The following TTN variants were observed in gnomAD, a reference collection of about 807,000 sequenced individuals.
TTN encodes the protein connectin.
TTN carries 1,525 observed loss-of-function variants against 3,223.0 expected under a neutral mutation model. The observed-to-expected ratio is 0.47, with a 90% CI of 0.45 to 0.49. The LOEUF is 0.49. Among genes scored for constraint, TTN ranks in the 20% least tolerant of loss-of-function variants. The pLI, the probability that TTN is intolerant of heterozygous loss-of-function variation, is 0.00. For synonymous variants in TTN, 14,094 were observed against 15,161.0 expected (o/e 0.93, Z 5.17); for missense variants, 40,786 against 43,424.0 (o/e 0.94, Z 5.40).
rs1289900629 is a variant in TTN at position 178,780,003 on chromosome 2, ATCT to A, written c.3723_3725del (p.Glu1241del). ...TGGTCATTACTTTTATACTCACCTGATCTTCTACATAAGTTCTGACCACTACAG... is the reference window on the plus strand; with the variant it reads ...TGGTCATTACTTTTATACTCACCTGATCTACATAAGTTCTGACCACTACAG... On this transcript the variant is annotated inframe_deletion, in exon 22 of 363. Coordinates refer to ENST00000589042, the MANE Select transcript of TTN (RefSeq NM_001267550.2). 1.2e-6 allele frequency: 2 copies of A among 1,612,154 alleles called. No homozygotes were observed. The highest frequency in any genetic ancestry group is 8.5e-7 in the Non-Finnish European group (1 of 1,179,576).
chr2:178,713,964 C>T lies in TTN; in HGVS notation c.26694G>A (p.Gly8898=). The T allele has an allele frequency of 6.2e-7, 1 of 1,613,576 alleles. No homozygotes were observed. The highest frequency in any genetic ancestry group is 8.5e-7 in the Non-Finnish European group (1 of 1,179,672). The change falls in exon 92 of 363, where the codon GGG becomes GGA. Residue 8898 remains glycine, a synonymous_variant. Coordinates refer to ENST00000589042, the MANE Select transcript of TTN (RefSeq NM_001267550.2). ...GGTTCTGCACCTCAAAACTGTATAC[C>T]CCACTGTCACTCGGTGCTACATTGA... The part of the protein sequence containing the change: ...KIINVAPSDS[G]VYSFEVQNPV...
At chr2:178,554,833 T>C (rs751544617) in intron 331 of TTN, 32 bp downstream of exon 331, 2 of 1,613,086 alleles carry the variant, frequency 1.2e-6, no homozygotes, top group Non-Finnish European at 1.7e-6. Flanking sequence ...TAGGCAAATG[T>C]AATATGACAG....
intron 241 of TTN, 138 bp from the exon 242 acceptor site, chr2:178,624,869 AT>A: frequency 5.4e-6 from 5 of 932,302 alleles, no homozygotes; most frequent in Non-Finnish European, 6.4e-6. Context: ...ACACTCAGAC[AT>A]TTTCCTCTAA....
intron 321 of TTN, 63 bp downstream of exon 321, chr2:178,578,548 C>G (rs548558289): frequency 7.7e-7 from 1 of 1,306,112 alleles, no homozygotes; most frequent in South Asian, 1.3e-5. Flanking sequence ...TTCAACTGTT[C>G]TCAGGGAAAT....
Position 178,579,376 on chromosome 2 carries a change from A to G in TTN, c.67654T>C (p.Leu22552=). 6.4e-7 allele frequency: 1 copy of G among 1,574,206 alleles called. No homozygotes were observed. Among genetic ancestry groups the G allele is most frequent in the African/African-American group, 1.4e-5 (1 of 73,390 alleles). The change falls in exon 320 of 363, where the codon TTA becomes CTA. Residue 22552 remains leucine (L), a synonymous_variant. Coordinates refer to ENST00000589042, the MANE Select transcript of TTN (RefSeq NM_001267550.2). The part of the protein sequence containing the change: ...RDDVVAPDLD[L]KGLPDLCYLA... ...TAGCACAAATCAGGTAGACCCTTTA[A>G]GTCAAGATCAGGAGCCACTGTAAAA...
At chr2:178,555,342 A>G (rs182712784) in intron 330 of TTN, 190 bp from the exon 331 acceptor site, 1 of 586,286 alleles carries the variant, frequency 1.7e-6, no homozygotes, top group African/African-American at 1.9e-5. Flanking sequence ...ATGGGGTAGA[A>G]AGACTGTGAG....
At position 178,768,822 on chromosome 2, in the gene TTN, C is replaced by G; in HGVS notation, c.9014G>C (p.Gly3005Ala). The change falls in exon 38 of 363, where the codon GGT (glycine) becomes GCT (alanine). Residue 3005 changes from glycine (G) to alanine (A), a missense_variant. Transcript: ENST00000589042. ...CTTGTCAGTTGATTTGATTTCCACA[C>G]CATTCTTTAACCATTTGTAAGAGAT... ...EGISYKWLKN[G>A]VEIKSTDKCQ... 6.2e-7 allele frequency: 1 copy of G among 1,614,102 alleles called. No homozygotes were observed. The highest frequency in any genetic ancestry group is 1.7e-5 in the Admixed American group (1 of 60,014).
Position 178,650,752 on chromosome 2 carries a change from T to C in TTN, c.39708A>G (p.Glu13236=), listed in dbSNP as rs752058641. 1.9e-6 allele frequency: 3 copies of C among 1,601,466 alleles called. No individual in the cohort carries two copies. Among genetic ancestry groups the C allele is most frequent in the African/African-American group, 1.3e-5 (1 of 74,698 alleles). ...ATTAATCACCGGTCTCACGTGTACC[T>C]TCTGGGGGAGGAGACTCCGCTCTTT... ...VPERAESPPP[E]VYEEPEEIAP... Residue 13236 remains glutamate, a splice_region_variant and synonymous_variant, in exon 209 of 363, where the codon GAA becomes GAG. Coordinates refer to ENST00000589042, the MANE Select transcript of TTN (RefSeq NM_001267550.2).
chr2:178,534,757 G>C lies in TTN; in HGVS notation c.101858C>G (p.Ser33953Cys), dbSNP rs1575284524. The change falls in exon 358 of 363, where the codon TCT becomes TGT. Residue 33953 changes from serine (S) to cysteine (C), a missense_variant. By Grantham distance (112) the Ser-to-Cys change is moderately radical. Transcript: ENST00000589042. ...ACCAAATTCTATGATTTTAATGGTAGAGCTTCTTCTGGTTTGGTAAATGAT... is the reference window on the plus strand; with the variant it reads ...ACCAAATTCTATGATTTTAATGGTACAGCTTCTTCTGGTTTGGTAAATGAT... ...ENIIYQTRRS[S>C]TIKIIEFGQA... 3.7e-6 allele frequency: 6 copies of C among 1,613,746 alleles called. No homozygotes were observed. The East Asian group carries it at 1.3e-4, about 36-fold the overall frequency.
chr2:178,794,467 T>G lies in TTN; in HGVS notation c.1330A>C (p.Ser444Arg), dbSNP rs767156649. The change falls in exon 8 of 363, where the codon AGC becomes CGC. Residue 444 changes from serine (S) to arginine (R), a missense_variant. Ser to Arg is a moderately radical substitution (Grantham distance 110). Transcript: ENST00000589042. ...DMARVREPVI[S>R]AVEQTAQRTT... ...CTCTGAGCAGTCTGCTCTACAGCGC[T>G]GATCACTGGTTCTCTCACTCTGGCC... is the stretch of plus-strand genomic sequence containing the variant. The G allele has an allele frequency of 1.2e-6, 2 of 1,614,208 alleles. No individual in the cohort carries two copies. Among genetic ancestry groups the G allele is most frequent in the Non-Finnish European group, 1.7e-6 (2 of 1,180,012 alleles).
Position 178,570,221 on chromosome 2 carries a change from A to T in TTN, c.75911T>A (p.Val25304Glu). 6.2e-7 allele frequency: 1 copy of T among 1,613,450 alleles called. No individual in the cohort carries two copies. Among genetic ancestry groups the T allele is most frequent in the Admixed American group, 1.7e-5 (1 of 59,968 alleles). Residue 25304 changes from valine (V) to glutamate (E), a missense_variant, in exon 326 of 363, where the codon GTA (valine) becomes GAA (glutamate). Transcript: ENST00000589042. ...TTCTGGAGCTTTTGGTGCATCTGGT[A>T]CTACAAATGGATTCTTGGCAACTAC... Reference protein sequence around the residue: ...EPVVAKNPFVVPDAPKAPEVT... With the variant: ...EPVVAKNPFVEPDAPKAPEVT...
chr2:178,757,577 G>C lies in TTN; in HGVS notation c.10643C>G (p.Ala3548Gly), dbSNP rs1386570246. The C allele has an allele frequency of 6.3e-7, 1 of 1,596,592 alleles. No homozygotes were observed. Among genetic ancestry groups the C allele is most frequent in the Admixed American group, 1.7e-5 (1 of 58,788 alleles). Residue 3548 changes from alanine (A) to glycine (G), a missense_variant, in exon 45 of 363, where the codon GCC becomes GGC. By Grantham distance (60) the Ala-to-Gly change is moderately conservative. Transcript: ENST00000589042. ...CACTGTGAGTGTAGCTGCACAAGTG[G>C]CTTCCCCAGCACTATTGGCTGCTTT... The part of the protein sequence containing the change: ...SCKAANSAGE[A>G]TCAATLTVTP...
rs1490566426 is a variant in TTN, at chr2:178,631,251, C to T, written c.43797G>A (p.Glu14599=). ...TGKLQDYTGV[E]KDEVILQCEI... ...CACACTGTAGAATAACTTCATCTTT[C>T]TCTACACCAGTATAATCTTGAAGTT... The change falls in exon 237 of 363, where the codon GAG becomes GAA. Residue 14599 remains glutamate, a synonymous_variant. Transcript: ENST00000589042. The T allele has an allele frequency of 2.5e-6, 4 of 1,612,134 alleles. No individual in the cohort carries two copies. The South Asian group carries it at 4.4e-5, about 18-fold the overall frequency.
rs951426984 is a variant in TTN, at chr2:178,733,607, C to T, written c.15775+7G>A. ...GCAATTTGAGGTTTAAATGTTCCTACACAAACCTTTAACTATTAATTCCCC... is the reference window on the plus strand; with the variant it reads ...GCAATTTGAGGTTTAAATGTTCCTATACAAACCTTTAACTATTAATTCCCC... On this transcript the variant is annotated splice_region_variant and intron_variant, in intron 53 of 362. Coordinates refer to ENST00000589042, the MANE Select transcript of TTN (RefSeq NM_001267550.2). The T allele has an allele frequency of 1.2e-6, 2 of 1,606,976 alleles. No homozygotes were observed. The highest frequency in any genetic ancestry group is 1.7e-6 in the Non-Finnish European group (2 of 1,175,074).
Position 178,645,983 on chromosome 2 carries a change from G to T in TTN, c.40345C>A (p.Pro13449Thr). The change falls in exon 217 of 363, where the codon CCC (proline) becomes ACC (threonine). Residue 13449 changes from proline to threonine, a missense_variant. Transcript: ENST00000589042. ...GGTGGAGCAGGTGGAGGAGGTGGGG[G>T]TCTTGGTTTGAGTTTTGGCTTCTCA... ...VIEKPKLKPR[P>T]PPPPPAPPKE... The T allele has an allele frequency of 1.3e-6, 2 of 1,583,358 alleles. No homozygotes were observed. The highest frequency in any genetic ancestry group is 1.7e-6 in the Non-Finnish European group (2 of 1,168,150).
intron 109 of TTN, 82 bp downstream of exon 109, chr2:178,701,958 A>G: frequency 1.5e-6 from 2 of 1,317,866 alleles, no homozygotes; most frequent in Non-Finnish European, 2.1e-6. Flanking sequence ...GATATCTTAT[A>G]CATTTTAGTT....
chr2:178,588,613 C>G lies in TTN; in HGVS notation c.63112G>C (p.Val21038Leu). 6.3e-7 allele frequency: 1 copy of G among 1,583,554 alleles called. No individual in the cohort carries two copies. The change falls in exon 304 of 363, where the codon GTC (valine) becomes CTC (leucine). Residue 21038 changes from valine (V) to leucine (L), a missense_variant. Coordinates refer to ENST00000589042, the MANE Select transcript of TTN (RefSeq NM_001267550.2). ...ATTCCAATTTCATTTTCTGCCTTGA[C>G]ACGGAACTGATATTCATGGTCTGGG... The part of the protein sequence containing the change: ...LLPDHEYQFR[V>L]KAENEIGIGE...
Position 178,573,122 on chromosome 2 carries a change from C to G in TTN, c.73010G>C (p.Arg24337Thr). The change falls in exon 326 of 363, where the codon AGA becomes ACA. Residue 24337 changes from arginine to threonine, a missense_variant. Physicochemically the swap from Arg to Thr is moderately conservative, Grantham distance 71 (BLOSUM62 -1). Transcript: ENST00000589042. ...ATTCCAAGCGATTGAAATGGATGAT[C>G]TGCTTGTATCCAGAACACGTGGGTT... ...PGNPRVLDTS[R>T]SSISIAWNKP... is the part of the protein sequence containing the mutation. 1.2e-6 allele frequency: 2 copies of G among 1,613,300 alleles called. No homozygotes were observed. Among genetic ancestry groups the G allele is most frequent in the Non-Finnish European group, 1.7e-6 (2 of 1,179,556 alleles).
chr2:178,638,774 T>A (rs2060841889), intron 223 of TTN, among the ~76,000 whole-genome samples: 1 of 152,010 alleles, frequency 6.6e-6, no homozygotes. Context: ...TGTTTCTTTT[T>A]TAAAAAAATA....
Sources: gnomAD v4.1 joint callset for allele counts (sites outside exome capture counted in the v4.1 genomes callset) on GRCh38, gnomAD v4.1.1 for gene constraint, MANE v1.5 for transcripts, NCBI Gene and HGNC (gene_info 2026-07-23, HGNC 2026-07-21) for gene names.